The following CREB5 variants were observed in gnomAD, a reference collection of about 807,000 sequenced individuals.
CREB5 encodes the protein cyclic AMP-responsive element-binding protein 5.
A neutral mutation model predicts 57.1 loss-of-function variants in CREB5; 19 were observed. The observed-to-expected ratio is 0.33, with a 90% CI of 0.23 to 0.49. The LOEUF (loss-of-function observed/expected upper bound fraction) is 0.49. Among genes scored for constraint, CREB5 ranks in the 20% least tolerant of loss-of-function variants. The pLI, the probability that CREB5 is intolerant of heterozygous loss-of-function variation, is 0.99. For missense variants in CREB5, 579 were observed against 671.6 expected, an observed-to-expected ratio of 0.86 and a Z score of 1.52; for synonymous variants, 238 against 238.3, an observed-to-expected ratio of 1.00 and a Z score of 0.01.
chr7:28,453,271 C>T (rs961515206), intron 1 of CREB5, among the ~76,000 whole-genome samples: 1 of 152,038 alleles, frequency 6.6e-6, no homozygotes, highest in African/African-American at 2.4e-5. Context: ...GACCCCATCT[C>T]TACAAAAAAT....
chr7:28,681,212 C>T (rs533686044), intron 5 of CREB5, among the ~76,000 whole-genome samples: 6 of 152,106 alleles, frequency 3.9e-5, no homozygotes, highest in Non-Finnish European at 8.8e-5. Context: ...CTAGATGCTT[C>T]AGATCTTTAG....
chr7:28,410,607 C>T (rs1463975412), upstream of CREB5: 2 of 452,618 alleles, frequency 4.4e-6, no homozygotes, highest in Non-Finnish European at 8.9e-6. Flanking sequence ...GGACCGGTGC[C>T]GCCCCCACTT....
intron 4 of CREB5, among the ~76,000 whole-genome samples, chr7:28,534,161 G>T (rs899645707): frequency 6.6e-6 from 1 of 152,218 alleles, no homozygotes; most frequent in Non-Finnish European, 1.5e-5. Flanking sequence ...CTTGCCCTTC[G>T]TATTATTGTC....
intron 1 of CREB5, among the ~76,000 whole-genome samples, chr7:28,452,594 A>G (rs1332855421): frequency 6.6e-6 from 1 of 152,214 alleles, no homozygotes; most frequent in Non-Finnish European, 1.5e-5. Flanking sequence ...GGCACTAGGA[A>G]CAGCTTGAAG....
intron 1 of CREB5, among the ~76,000 whole-genome samples, chr7:28,374,421 A>G (rs1786781100): frequency 6.6e-6 from 1 of 152,258 alleles, no homozygotes; most frequent in South Asian, 2.1e-4. Flanking sequence ...TAATAGCCCC[A>G]AACTGAAAAC....
intron 1 of CREB5, among the ~76,000 whole-genome samples, chr7:28,457,236 C>A (rs1311239620): frequency 1.3e-5 from 2 of 152,186 alleles, no homozygotes; most frequent in African/African-American, 4.8e-5. Flanking sequence ...AATACTGCCA[C>A]AATGGCATAT....
intron 1 of CREB5, among the ~76,000 whole-genome samples, chr7:28,344,591 G>C (rs1487623317): frequency 6.6e-6 from 1 of 152,144 alleles, no homozygotes; most frequent in Non-Finnish European, 1.5e-5. Context: ...GATACCTCCA[G>C]CTTTCTTCTT....
chr7:28,514,049 T>C (rs1243575232), intron 4 of CREB5, among the ~76,000 whole-genome samples: 2 of 152,218 alleles, frequency 1.3e-5, no homozygotes, highest in Non-Finnish European at 2.9e-5. Context: ...GCTGACAGCT[T>C]AGAGGAATAC....
chr7:28,601,859 T>C (rs1236260760), intron 5 of CREB5, among the ~76,000 whole-genome samples: 1 of 152,194 alleles, frequency 6.6e-6, no homozygotes, highest in Non-Finnish European at 1.5e-5. Context: ...ATTGAAGCAT[T>C]ACTATAGTTA....
chr7:28,368,674 C>T (rs1451212423), intron 1 of CREB5, among the ~76,000 whole-genome samples: 1 of 152,196 alleles, frequency 6.6e-6, no homozygotes, highest in African/African-American at 2.4e-5. Context: ...GCTCACATAA[C>T]ATCCCCTTTT....
At chr7:28,315,952 C>G (rs1583666036) in intron 1 of CREB5, among the ~76,000 whole-genome samples, 2 of 152,102 alleles carry the variant, frequency 1.3e-5, no homozygotes, top group Non-Finnish European at 2.9e-5. Flanking sequence ...GGAGACAGGT[C>G]CTGGTTTTTT....
intron 7 of CREB5, among the ~76,000 whole-genome samples, chr7:28,775,989 A>G (rs887323924): frequency 6.6e-6 from 1 of 152,210 alleles, no homozygotes; most frequent in Non-Finnish European, 1.5e-5. Flanking sequence ...GTGCACAGCA[A>G]ATTAACATCT....
At chr7:28,500,056 C>A (rs769487773) in intron 3 of CREB5, among the ~76,000 whole-genome samples, 3 of 152,228 alleles carry the variant, frequency 2.0e-5, no homozygotes, top group Non-Finnish European at 2.9e-5. Flanking sequence ...ATTCAGCAAA[C>A]ACTCACTGAG....
chr7:28,488,583 T>C (rs1444032623), intron 2 of CREB5, among the ~76,000 whole-genome samples: 1 of 152,212 alleles, frequency 6.6e-6, no homozygotes. Context: ...TGCTTACTTT[T>C]ACAAAAGCCA....
At chr7:28,771,641 C>T (rs985477726) in intron 7 of CREB5, among the ~76,000 whole-genome samples, 22 of 152,116 alleles carry the variant, frequency 1.4e-4, no homozygotes, top group Non-Finnish European at 2.9e-4. Flanking sequence ...AGCGCTACCC[C>T]TTCCAGAAAC....
intron 1 of CREB5, among the ~76,000 whole-genome samples, chr7:28,325,195 G>C (rs1410990892): frequency 6.6e-6 from 1 of 152,180 alleles, no homozygotes; most frequent in Non-Finnish European, 1.5e-5. Flanking sequence ...AGTGGCTCAC[G>C]CCTATAATCC....
intron 4 of CREB5, among the ~76,000 whole-genome samples, chr7:28,520,762 T>C (rs1381209345): frequency 6.6e-6 from 1 of 152,236 alleles, no homozygotes; most frequent in Non-Finnish European, 1.5e-5. Flanking sequence ...CAGAGCCGTG[T>C]TGTAAATGGA....
At chr7:28,778,406 C>T (rs1458555508) in intron 7 of CREB5, among the ~76,000 whole-genome samples, 1 of 152,130 alleles carries the variant, frequency 6.6e-6, no homozygotes, top group East Asian at 1.9e-4. Flanking sequence ...CTCCTACACA[C>T]CTGAATTTTA....
intron 1 of CREB5, among the ~76,000 whole-genome samples, chr7:28,357,346 C>A (rs1786366675): frequency 6.6e-6 from 1 of 152,106 alleles, no homozygotes; most frequent in South Asian, 2.1e-4. Context: ...AGTTTCCTTT[C>A]TTTTCTTGCA....
Sources: gnomAD v4.1 joint callset for allele counts (sites outside exome capture counted in the v4.1 genomes callset) on GRCh38, gnomAD v4.1.1 for gene constraint, MANE v1.5 for transcripts, NCBI Gene and HGNC (gene_info 2026-07-23, HGNC 2026-07-21) for gene names.